The following THRB variants were observed in gnomAD, a reference collection of about 807,000 sequenced individuals.
The protein encoded by THRB is thyroid hormone receptor beta.
Under a neutral mutation model 47.8 loss-of-function variants are expected in THRB, and 12 were observed. That is an observed-to-expected ratio of 0.25 (90% CI 0.16 to 0.41). The LOEUF (loss-of-function observed/expected upper bound fraction) is 0.41, where lower values mean the gene tolerates loss of function less well. Ranked by LOEUF, THRB falls within the 10% of genes least tolerant of loss-of-function variation. THRB has a pLI of 1.00. For missense variants in THRB, 348 were observed against 589.2 expected, an observed-to-expected ratio of 0.59 and a Z score of 4.24; for synonymous variants, 218 against 212.2, an observed-to-expected ratio of 1.03 and a Z score of -0.24.
At chr3:24,336,885 C>T (rs1012585239) in intron 2 of THRB, among the ~76,000 whole-genome samples, 5 of 152,012 alleles carry the variant, frequency 3.3e-5, no homozygotes, top group Admixed American at 6.5e-5. Flanking sequence ...CCACGCCTGG[C>T]TAATTTTTTG....
chr3:24,375,104 G>T (rs2065172347), intron 1 of THRB, among the ~76,000 whole-genome samples: 1 of 150,764 alleles, frequency 6.6e-6, no homozygotes, highest in South Asian at 2.1e-4. Context: ...TTTTATAAAA[G>T]CTCAGGTTTT....
At chr3:24,384,544 C>A (rs944145245) in intron 1 of THRB, among the ~76,000 whole-genome samples, 1 of 152,036 alleles carries the variant, frequency 6.6e-6, no homozygotes, top group Admixed American at 6.6e-5. Flanking sequence ...TCTATGACCA[C>A]CTTTAGAGGA....
At chr3:24,221,570 T>C (rs568802614) in intron 4 of THRB, among the ~76,000 whole-genome samples, 80 of 152,210 alleles carry the variant, frequency 5.3e-4, no homozygotes, top group Admixed American at 1.4e-3. Flanking sequence ...GGTTGGGGTA[T>C]GAGAAGAAGC....
chr3:24,263,456 AATTAT>A (rs1257011548), intron 3 of THRB, among the ~76,000 whole-genome samples: 2 of 152,150 alleles, frequency 1.3e-5, no homozygotes, highest in East Asian at 3.8e-4. Flanking sequence ...ACGCTTTTAA[AATTAT>A]ATTATGATGT....
Position 24,464,101 on chromosome 3 carries a change from C to T in THRB, c.-261+30551G>A, listed in dbSNP as rs1343911975. 2.0e-5 allele frequency among the ~76,000 whole-genome samples: 3 copies of T among 152,148 alleles called. No individual in the cohort carries two copies. The South Asian group carries it at 6.2e-4, about 32-fold the overall frequency. ...CTCTACTAAAAATACAAAAAATTAGCCGGGCGAGGTGGCAGGCACCTGTAG... is the reference window on the plus strand; with the variant it reads ...CTCTACTAAAAATACAAAAAATTAGTCGGGCGAGGTGGCAGGCACCTGTAG... On this transcript the variant is annotated intron_variant, in intron 1 of 10. Transcript: ENST00000646209.
At chr3:24,207,707 C>T (rs1470936302) in intron 4 of THRB, among the ~76,000 whole-genome samples, 1 of 151,796 alleles carries the variant, frequency 6.6e-6, no homozygotes. Flanking sequence ...TGCACTCTGC[C>T]AGCTATCTAT....
chr3:24,314,755 G>C lies in THRB; in HGVS notation c.-188-17384C>G, dbSNP rs114038445. 5.2e-3 allele frequency among the ~76,000 whole-genome samples: 784 copies of C among 152,182 alleles called. 7 individuals are homozygous for C. Among genetic ancestry groups the C allele is most frequent in the African/African-American group, 0.018 (741 of 41,522 alleles). The stretch of plus-strand genomic sequence containing the variant: ...ACACCCCAAACCTTCAGCCTCTACA[G>C]AGCCATTCTTTGGAACATATTCCAG... On this transcript the variant is annotated intron_variant, in intron 2 of 10. Transcript: ENST00000646209.
intron 1 of THRB, among the ~76,000 whole-genome samples, chr3:24,382,316 A>T (rs1218526717): frequency 2.6e-5 from 4 of 152,134 alleles, no homozygotes; most frequent in African/African-American, 9.6e-5. Context: ...TATCTAATGC[A>T]TCTATGCAGG....
intron 9 of THRB, among the ~76,000 whole-genome samples, chr3:24,128,874 T>G (rs2033370909): frequency 1.1e-5 from 1 of 93,892 alleles, no homozygotes; most frequent in South Asian, 3.7e-4. Flanking sequence ...TTTTTTTTTT[T>G]TTTTTTTTTT....
rs186704179 is a variant in THRB, at chr3:24,235,682, G to A, written c.-42-6681C>T. Reference sequence around the variant, plus strand: ...TCATTTTAAAAGGTCAGACCCATGAGTGTGACGTTATTACATACCCTAGCC... The same window carrying A: ...TCATTTTAAAAGGTCAGACCCATGAATGTGACGTTATTACATACCCTAGCC... On this transcript the variant is annotated intron_variant, in intron 3 of 10. Transcript: ENST00000646209. 1.2e-3 allele frequency among the ~76,000 whole-genome samples: 184 copies of A among 152,226 alleles called. 1 individual carries two copies. The highest frequency in any genetic ancestry group is 5.2e-3 in the South Asian group (25 of 4,818).
chr3:24,137,390 A>C (rs2034814708), intron 8 of THRB, among the ~76,000 whole-genome samples: 1 of 152,228 alleles, frequency 6.6e-6, no homozygotes, highest in African/African-American at 2.4e-5. Context: ...ACAATAAATA[A>C]GAAACATGTA....
In THRB at chr3:24,167,444, C is replaced by T. The variant is rs541732746; in HGVS notation, c.284-14954G>A. ...TACTAAGAACACATACACAATATTA[C>T]AATTAACATTTTCTCCCTACTGGAA... On this transcript the variant is annotated intron_variant, in intron 5 of 10. Coordinates refer to ENST00000646209, the MANE Select transcript of THRB (RefSeq NM_001354712.2). Among the ~76,000 whole-genome samples the T allele has an allele frequency of 4.6e-5, 7 of 152,216 alleles. No individual in the cohort carries two copies. In the South Asian group the frequency reaches 1.5e-3, roughly 32 times the overall value.
At chr3:24,350,188 G>A (rs578078825) in intron 1 of THRB, among the ~76,000 whole-genome samples, 2 of 152,162 alleles carry the variant, frequency 1.3e-5, no homozygotes, top group South Asian at 4.2e-4. Context: ...ACGTCCACCA[G>A]AATGGCTAAA....
chr3:24,388,928 G>C (rs1403936340), intron 1 of THRB, among the ~76,000 whole-genome samples: 1 of 152,142 alleles, frequency 6.6e-6, no homozygotes, highest in African/African-American at 2.4e-5. Context: ...AGATGCTCTA[G>C]GTTGGTGGAC....
chr3:24,161,927 C>T (rs2038909472), intron 5 of THRB, among the ~76,000 whole-genome samples: 2 of 146,768 alleles, frequency 1.4e-5, no homozygotes, highest in African/African-American at 2.5e-5. Context: ...TTCAAACATG[C>T]AATTCCTATC....
At position 24,190,283 on chromosome 3, in the gene THRB, T is replaced by A; in HGVS notation, c.74A>T (p.His25Leu). 6.2e-7 allele frequency: 1 copy of A among 1,614,098 alleles called. No individual in the cohort carries two copies. Among genetic ancestry groups the A allele is most frequent in the East Asian group, 2.2e-5 (1 of 44,882 alleles). The change falls in exon 5 of 11, where the codon CAC (histidine) becomes CTC (leucine). Residue 25 changes from histidine to leucine, a missense_variant. His to Leu is a moderately conservative substitution (Grantham distance 99, BLOSUM62 -3). Coordinates refer to ENST00000646209, the MANE Select transcript of THRB (RefSeq NM_001354712.2). Reference protein sequence around the residue: ...DKPKHCPDREHDWKLVGMSEA... With the variant: ...DKPKHCPDRELDWKLVGMSEA... ...AGACATTCCTACTAGCTTCCAGTCG[T>A]GTTCTCGGTCTGGACAGTGCTTCGG...
At chr3:24,168,491 A>T (rs1370010760) in intron 5 of THRB, among the ~76,000 whole-genome samples, 1 of 103,074 alleles carries the variant, frequency 9.7e-6, no homozygotes, top group African/African-American at 4.5e-5. Context: ...TCAATCAATA[A>T]TATATATATA....
chr3:24,297,003 C>G (rs1186335518), intron 3 of THRB, among the ~76,000 whole-genome samples: 3 of 152,178 alleles, frequency 2.0e-5, no homozygotes, highest in African/African-American at 7.2e-5. Flanking sequence ...CCTAGTACTT[C>G]TAACCCCATT....
chr3:24,403,878 T>G (rs2067618749), intron 1 of THRB, among the ~76,000 whole-genome samples: 1 of 151,958 alleles, frequency 6.6e-6, no homozygotes, highest in African/African-American at 2.4e-5. Flanking sequence ...ATAATTTAGT[T>G]TTTCTTGAAA....
Sources: gnomAD v4.1 joint callset for allele counts (sites outside exome capture counted in the v4.1 genomes callset) on GRCh38, gnomAD v4.1.1 for gene constraint, MANE v1.5 for transcripts, NCBI Gene and HGNC (gene_info 2026-07-23, HGNC 2026-07-21) for gene names.